The following MS4A4E variants were observed in gnomAD, a reference collection of about 807,000 sequenced individuals.
The protein encoded by MS4A4E is putative membrane-spanning 4-domains subfamily A member 4E.
Under a neutral mutation model 13.3 loss-of-function variants are expected in MS4A4E, and 23 were observed. That is an observed-to-expected ratio of 1.73 (90% CI 1.25 to 2.45). MS4A4E has a LOEUF of 2.45. Among genes scored for constraint, MS4A4E ranks in the 30% most tolerant of loss-of-function variants. The pLI is 0.00. For missense variants in MS4A4E, 144 were observed against 131.2 expected (o/e 1.10, Z -0.48); for synonymous variants, 36 against 45.6 (o/e 0.79, Z 0.85).
intron 1 of MS4A4E, among the ~76,000 whole-genome samples, chr11:60,231,012 T>C (rs2084404591): frequency 6.6e-6 from 1 of 152,168 alleles, no homozygotes; most frequent in Non-Finnish European, 1.5e-5. Flanking sequence ...TAGTCCAAAT[T>C]TGCTATGTAC....
At chr11:60,203,325 A>G (rs1255063555) in intron 8 of MS4A4E, among the ~76,000 whole-genome samples, 2 of 152,192 alleles carry the variant, frequency 1.3e-5, no homozygotes, top group Non-Finnish European at 2.9e-5. Flanking sequence ...TTTTAATAAT[A>G]CCTGTAGTCT....
chr11:60,240,426 C>T (rs898920146), intron 1 of MS4A4E, among the ~76,000 whole-genome samples: 1 of 152,122 alleles, frequency 6.6e-6, no homozygotes, highest in African/African-American at 2.4e-5. Context: ...CCATTTGTAG[C>T]CTTGGATGTT....
rs200769146 is a variant in MS4A4E at position 60,200,274 on chromosome 11, TTTTATTTA to T, written c.*1261_*1268del. On this transcript the variant is annotated 3_prime_UTR_variant, in exon 9 of 9. Coordinates refer to ENST00000651255, the MANE Select transcript of MS4A4E (RefSeq NM_001393391.1). ...GGAAAAAAAATACTGGATAAATACT[TTTTATTTA>T]TTTATTTATTTATTTATTTAATTTT... Among the ~76,000 whole-genome samples, 12 of 151,806 alleles carry T rather than the reference TTTTATTTA, an allele frequency of 7.9e-5. No homozygotes were observed. The highest frequency in any genetic ancestry group is 6.2e-4 in the South Asian group (3 of 4,816).
chr11:60,237,519 C>T (rs1048778831), intron 1 of MS4A4E, among the ~76,000 whole-genome samples: 1 of 152,146 alleles, frequency 6.6e-6, no homozygotes, highest in South Asian at 2.1e-4. Flanking sequence ...TGAGGAATCA[C>T]CACAGTGTTC....
chr11:60,211,741 C>T lies in MS4A4E; in HGVS notation c.381+1233G>A, dbSNP rs551042712. 7.0e-4 allele frequency among the ~76,000 whole-genome samples: 107 copies of T among 152,170 alleles called. 1 individual carries two copies. The highest frequency in any genetic ancestry group is 2.4e-3 in the African/African-American group (101 of 41,498). ...CAGGCTGGCCAACATGGAGAAACCCCGTCTCCACTAAAAATACAAAAATTA... is the reference window on the plus strand; with the variant it reads ...CAGGCTGGCCAACATGGAGAAACCCTGTCTCCACTAAAAATACAAAAATTA... On this transcript the variant is annotated intron_variant, in intron 5 of 8. Coordinates refer to ENST00000651255, the MANE Select transcript of MS4A4E (RefSeq NM_001393391.1).
At chr11:60,207,432 C>T (rs929207395) in intron 6 of MS4A4E, among the ~76,000 whole-genome samples, 3 of 152,150 alleles carry the variant, frequency 2.0e-5, no homozygotes, top group African/African-American at 7.2e-5. Flanking sequence ...CTGAGAATCT[C>T]TCACCTCTAG....
chr11:60,226,275 C>T (rs2084341339), intron 3 of MS4A4E, among the ~76,000 whole-genome samples: 1 of 151,876 alleles, frequency 6.6e-6, no homozygotes, highest in South Asian at 2.1e-4. Flanking sequence ...TACTCCCTAA[C>T]TCATTCTATG....
At chr11:60,230,314 G>A (rs2084393019) in intron 1 of MS4A4E, among the ~76,000 whole-genome samples, 1 of 152,174 alleles carries the variant, frequency 6.6e-6, no homozygotes, top group Admixed American at 6.5e-5. Flanking sequence ...CATGTTGACA[G>A]AAGTGAGGTA....
chr11:60,203,467 G>A (rs1041776620), intron 8 of MS4A4E, among the ~76,000 whole-genome samples: 3 of 152,180 alleles, frequency 2.0e-5, no homozygotes, highest in Admixed American at 6.5e-5. Context: ...TAATTATCTT[G>A]GCCAGGTGCA....
chr11:60,205,883 A>G (rs117128139), intron 6 of MS4A4E, among the ~76,000 whole-genome samples, 63 bp from the exon 7 acceptor site: 3,835 of 152,346 alleles, frequency 0.025, 66 homozygotes, highest in Non-Finnish European at 0.039. Flanking sequence ...GCACATTTCC[A>G]TATGTGACAC....
In MS4A4E at chr11:60,200,730, T is replaced by C. The variant is rs2083974817; in HGVS notation, c.*813A>G. On this transcript the variant is annotated 3_prime_UTR_variant, in exon 9 of 9. Transcript: ENST00000651255. ...AGGCAACCATCCGATTTCTCAATCTTTTCCCCACCTTTCCCCCCTTTCTAT... is the reference window on the plus strand; with the variant it reads ...AGGCAACCATCCGATTTCTCAATCTCTTCCCCACCTTTCCCCCCTTTCTAT... 6.6e-6 allele frequency among the ~76,000 whole-genome samples: 1 copy of C among 152,238 alleles called. No individual in the cohort carries two copies. The highest frequency in any genetic ancestry group is 6.5e-5 in the Admixed American group (1 of 15,292).
rs1177258988 is a variant in MS4A4E, at chr11:60,201,484, G to A, written c.*59C>T. On this transcript the variant is annotated 3_prime_UTR_variant, in exon 9 of 9. Transcript: ENST00000651255. ...TCACCTCCCAGACGGGGTCGCGGCC[G>A]GGCAGAGGTGCTCCTCACATCCCAG... The A allele has an allele frequency of 7.2e-5, 18 of 251,560 alleles. No homozygotes were observed. Among genetic ancestry groups the A allele is most frequent in the East Asian group, 1.7e-4 (1 of 5,952 alleles). 15.6% of individuals were successfully genotyped at this position (251,560 alleles called of 1,614,324 possible).
At chr11:60,223,519 G>A (rs538746667) in intron 3 of MS4A4E, among the ~76,000 whole-genome samples, 16 of 152,146 alleles carry the variant, frequency 1.1e-4, no homozygotes, top group Admixed American at 4.6e-4. Context: ...AATATTGAAT[G>A]TTAACTTGAT....
At chr11:60,222,397 T>A (rs766623885) in intron 3 of MS4A4E, among the ~76,000 whole-genome samples, 8 of 152,214 alleles carry the variant, frequency 5.3e-5, no homozygotes, top group Non-Finnish European at 1.0e-4. Flanking sequence ...ATGTTTCCCA[T>A]CATCCTGAAG....
intron 1 of MS4A4E, among the ~76,000 whole-genome samples, chr11:60,240,946 A>G (rs2084540859): frequency 6.6e-6 from 1 of 152,244 alleles, no homozygotes; most frequent in Non-Finnish European, 1.5e-5. Context: ...AACCAAAGTT[A>G]TTTTGAAAGA....
chr11:60,240,852 C>T (rs1239621045), intron 1 of MS4A4E, among the ~76,000 whole-genome samples: 1 of 152,164 alleles, frequency 6.6e-6, no homozygotes, highest in Non-Finnish European at 1.5e-5. Flanking sequence ...CCTACAGCCC[C>T]CATTTCCCGC....
intron 1 of MS4A4E, among the ~76,000 whole-genome samples, chr11:60,238,403 TA>T (rs2084510289): frequency 6.6e-6 from 1 of 152,058 alleles, no homozygotes; most frequent in Non-Finnish European, 1.5e-5. Flanking sequence ...CAGTCAGTTT[TA>T]GTAGTATCTT....
At chr11:60,202,599 T>C (rs947334944) in intron 8 of MS4A4E, among the ~76,000 whole-genome samples, 1 of 152,156 alleles carries the variant, frequency 6.6e-6, no homozygotes, top group Non-Finnish European at 1.5e-5. Context: ...TTTCCAAATA[T>C]ACATCAAAGC....
intron 1 of MS4A4E, among the ~76,000 whole-genome samples, chr11:60,239,072 G>C (rs2084517574): frequency 6.6e-6 from 1 of 152,232 alleles, no homozygotes; most frequent in Non-Finnish European, 1.5e-5. Flanking sequence ...ACTGAGGAAT[G>C]AATAAATGTG....
Sources: gnomAD v4.1 joint callset for allele counts (sites outside exome capture counted in the v4.1 genomes callset) on GRCh38, gnomAD v4.1.1 for gene constraint, MANE v1.5 for transcripts, NCBI Gene and HGNC (gene_info 2026-07-23, HGNC 2026-07-21) for gene names.